CD163: variants seen among roughly 807,000 people sequenced by gnomAD.
CD163 encodes the protein scavenger receptor cysteine-rich type 1 protein M130.
A neutral mutation model predicts 129.2 loss-of-function variants in CD163; 64 were observed. The ratio of observed to expected loss-of-function variants is 0.50; its 90% CI spans 0.41 to 0.61. CD163 has a LOEUF of 0.61. CD163 is among the 20% of genes least tolerant of loss of function. The pLI, the probability that CD163 is intolerant of heterozygous loss-of-function variation, is 0.00. For synonymous variants in CD163, 446 were observed against 478.5 expected (o/e 0.93, Z 0.89); for missense variants, 1,061 against 1,377.9 (o/e 0.77, Z 3.64).
At position 7,482,711 on chromosome 12, in the gene CD163, A is replaced by G. The variant is rs750150204; in HGVS notation, c.3179T>C (p.Val1060Ala). 2 of 1,614,180 alleles carry G rather than the reference A, an allele frequency of 1.2e-6. No homozygotes were observed. Among genetic ancestry groups the G allele is most frequent in the South Asian group, 2.2e-5 (2 of 91,078 alleles). Reference protein sequence around the residue: ...SFIAVGILGVVLLAIFVALFF... With the variant: ...SFIAVGILGVALLAIFVALFF... Reference sequence around the variant, plus strand: ...TAATGCGACGAAAATGGCCAACAGAACAACCCCAAGGATCCCGACTGCAAT... The same window carrying G: ...TAATGCGACGAAAATGGCCAACAGAGCAACCCCAAGGATCCCGACTGCAAT... The change falls in exon 14 of 17, where the codon GTT (valine) becomes GCT (alanine). Residue 1060 changes from valine to alanine, a missense_variant. Coordinates refer to ENST00000432237, the MANE Select transcript of CD163 (RefSeq NM_203416.4).
chr12:7,483,778 ATTT>A, intron 11 of CD163, 103 bp from the exon 12 acceptor site: 14 of 469,298 alleles, frequency 3.0e-5, no homozygotes, highest in Non-Finnish European at 4.4e-5. Flanking sequence ...AAAAAAAACT[ATTT>A]AAAATTTTAC....
At chr12:7,484,944 T>A in intron 11 of CD163, 152 bp downstream of exon 11, 1 of 688,818 alleles carries the variant, frequency 1.5e-6, no homozygotes, top group Non-Finnish European at 2.5e-6. Context: ...CCAGGTAGAA[T>A]AGATATTACC....
At chr12:7,477,396 C>T (rs575188554) in intron 16 of CD163, among the ~76,000 whole-genome samples, 56 of 152,198 alleles carry the variant, frequency 3.7e-4, no homozygotes, top group Non-Finnish European at 6.6e-4. Context: ...CCATGGAATA[C>T]TATAGAGCCA....
Position 7,496,777 on chromosome 12 carries a change from G to C in CD163, c.1099+36C>G, listed in dbSNP as rs371889082. ...ACTTTCCGTTTCTGCTTTTCTTTTT[G>C]TTTAGTGTTTTGGTTTTGGTTTGGT... On this transcript the variant is annotated intron_variant, in intron 5 of 16. Transcript: ENST00000432237. This position sits in a 1 kb window ranked among gnomAD's most constrained non-coding sequence, Gnocchi z 4.8. 4 of 1,584,334 alleles carry C rather than the reference G, an allele frequency of 2.5e-6. No individual in the cohort carries two copies. Among genetic ancestry groups the C allele is most frequent in the Non-Finnish European group, 3.5e-6 (4 of 1,154,492 alleles).
In CD163 at chr12:7,486,602, C is replaced by T. The variant is rs1323007532; in HGVS notation, c.2355G>A (p.Glu785=). Reference sequence around the variant, plus strand: ...GGGATTCTTTTCCATTGCATTTCATCTCATCCAGCCAGATGGGCCCTGTTC... The same window carrying T: ...GGGATTCTTTTCCATTGCATTTCATTTCATCCAGCCAGATGGGCCCTGTTC... ...GEGTGPIWLD[E]MKCNGKESRI... is the part of the protein sequence containing the mutation. Residue 785 remains glutamate, a synonymous_variant, in exon 10 of 17, where the codon GAG becomes GAA. Coordinates refer to ENST00000432237, the MANE Select transcript of CD163 (RefSeq NM_203416.4). 1 of 1,614,078 alleles carries T rather than the reference C, an allele frequency of 6.2e-7. No individual in the cohort carries two copies. Among genetic ancestry groups the T allele is most frequent in the Non-Finnish European group, 8.5e-7 (1 of 1,180,034 alleles).
At chr12:7,477,868 T>C (rs1949109503) in intron 16 of CD163, among the ~76,000 whole-genome samples, 1 of 152,182 alleles carries the variant, frequency 6.6e-6, no homozygotes, top group South Asian at 2.1e-4. Flanking sequence ...ATTTATCACA[T>C]CAGAAAACAT....
chr12:7,497,082 C>T lies in CD163; in HGVS notation c.830G>A (p.Gly277Glu), dbSNP rs1222044619. Residue 277 changes from glycine (G) to glutamate (E), a missense_variant, in exon 5 of 17, where the codon GGA (glycine) becomes GAA (glutamate). Gly to Glu is a moderately conservative substitution (Grantham distance 98). Transcript: ENST00000432237. The part of the protein sequence containing the change: ...RLVDGVTECS[G>E]RLEVRFQGEW... Reference sequence around the variant, plus strand: ...TCCTTGGAATCTCACTTCTAATCTTCCTGAACATTCAGTGACTCCATCTAC... The same window carrying T: ...TCCTTGGAATCTCACTTCTAATCTTTCTGAACATTCAGTGACTCCATCTAC... The T allele has an allele frequency of 6.2e-7, 1 of 1,614,110 alleles. No individual in the cohort carries two copies. Among genetic ancestry groups the T allele is most frequent in the East Asian group, 2.2e-5 (1 of 44,876 alleles).
rs1328623969 is a variant in CD163 at position 7,496,670 on chromosome 12, G to C, written c.1099+143C>G. The C allele has an allele frequency of 4.5e-6, 3 of 669,756 alleles. No individual in the cohort carries two copies. The African/African-American group carries it at 5.4e-5, about 12-fold the overall frequency. The allele number at this position is 669,756 out of a possible 1,614,324, so 41.5% of individuals were successfully genotyped here. ...AATAAAGAATGTGTCAAAGATTACA[G>C]GTATAAAGGAATTCCCAGCAAGGAA... On this transcript the variant is annotated intron_variant, in intron 5 of 16. Coordinates refer to ENST00000432237, the MANE Select transcript of CD163 (RefSeq NM_203416.4). This position sits in a 1 kb window ranked among gnomAD's most constrained non-coding sequence, Gnocchi z 4.8.
chr12:7,503,637 G>A lies in CD163; in HGVS notation c.46+8C>T, dbSNP rs1949523315. The A allele has an allele frequency of 6.3e-7, 1 of 1,582,804 alleles. No individual in the cohort carries two copies. Among genetic ancestry groups the A allele is most frequent in the African/African-American group, 1.3e-5 (1 of 74,182 alleles). ...AGGGGAAATGTAGAATAAATGAGAA[G>A]CTTTTACCAGCAGATCCAGAGTCTT... On this transcript the variant is annotated splice_region_variant and intron_variant, in intron 1 of 16. Coordinates refer to ENST00000432237, the MANE Select transcript of CD163 (RefSeq NM_203416.4).
At chr12:7,501,716 C>T (rs1949492290) in intron 2 of CD163, among the ~76,000 whole-genome samples, 1 of 152,106 alleles carries the variant, frequency 6.6e-6, no homozygotes, top group African/African-American at 2.4e-5. Context: ...TATTTTATGG[C>T]TGGATAGCCT....
At chr12:7,488,424 ATC>A (rs1404727148) in intron 6 of CD163, among the ~76,000 whole-genome samples, 3 of 152,134 alleles carry the variant, frequency 2.0e-5, no homozygotes, top group Non-Finnish European at 4.4e-5. Flanking sequence ...TACTATCGCT[ATC>A]TCTTAGTCTT....
At position 7,502,436 on chromosome 12, in the gene CD163, A is replaced by G. The variant is rs115330665; in HGVS notation, c.133+42T>C. On this transcript the variant is annotated intron_variant, in intron 2 of 16. Transcript: ENST00000432237. ...TGTTTGCCTTTTAACTGTTCTTGTCAGAGTGGGCTAAGGCTGTAAGTAAAT... is the reference window on the plus strand; with the variant it reads ...TGTTTGCCTTTTAACTGTTCTTGTCGGAGTGGGCTAAGGCTGTAAGTAAAT... The G allele has an allele frequency of 7.3e-4, 922 of 1,261,514 alleles. 4 individuals carry two copies. In the African/African-American group the frequency reaches 0.011, roughly 15 times the overall value. The allele number at this position is 1,261,514 out of a possible 1,614,324, so 78.1% of individuals were successfully genotyped here.
At chr12:7,483,267 C>T (rs1305604893) in intron 12 of CD163, 100 bp downstream of exon 12, 5 of 1,089,836 alleles carry the variant, frequency 4.6e-6, no homozygotes, top group Non-Finnish European at 6.6e-6. Context: ...CCCACCAGAT[C>T]CCTGTGCTGA....
rs753344885 is a variant in CD163 at position 7,487,994 on chromosome 12, G to A, written c.1514C>T (p.Ser505Leu). 23 of 1,614,092 alleles carry A rather than the reference G, an allele frequency of 1.4e-5. No individual in the cohort carries two copies. Among genetic ancestry groups the A allele is most frequent in the Middle Eastern group, 1.6e-4 (1 of 6,062 alleles). ...HGDTWGSICD[S>L]DFSLEAASVL... Reference sequence around the variant, plus strand: ...GCTGGCAGCTTCCAGAGAGAAGTCCGAATCACAGATGGAGCCCCACGTGTC... The same window carrying A: ...GCTGGCAGCTTCCAGAGAGAAGTCCAAATCACAGATGGAGCCCCACGTGTC... The change falls in exon 7 of 17, where the codon TCG (serine) becomes TTG (leucine). Residue 505 changes from serine to leucine, a missense_variant. By Grantham distance (145) the Ser-to-Leu change is moderately radical. Coordinates refer to ENST00000432237, the MANE Select transcript of CD163 (RefSeq NM_203416.4). The surrounding 1 kb of genome is among the most constrained non-coding windows in gnomAD (Gnocchi z 5.1).
At chr12:7,480,978 T>C in intron 15 of CD163, 183 bp downstream of exon 15, 1 of 1,323,230 alleles carries the variant, frequency 7.6e-7, no homozygotes, top group Non-Finnish European at 9.7e-7. Flanking sequence ...AAGGCCTCCC[T>C]ATGATTGCAA....
intron 16 of CD163, among the ~76,000 whole-genome samples, chr12:7,476,109 CA>C (rs1949083198): frequency 6.6e-6 from 1 of 152,168 alleles, no homozygotes; most frequent in Non-Finnish European, 1.5e-5. Context: ...AATGGAAAAA[CA>C]TTCCATGCTC....
At chr12:7,479,784 A>G (rs1423484997) in intron 16 of CD163, 76 bp downstream of exon 16, 1 of 1,468,632 alleles carries the variant, frequency 6.8e-7, no homozygotes, top group African/African-American at 1.4e-5. Flanking sequence ...CTTTCTTTCT[A>G]ATGCCAGAAG....
chr12:7,492,277 G>A (rs1022068962), intron 6 of CD163, among the ~76,000 whole-genome samples: 4 of 152,040 alleles, frequency 2.6e-5, no homozygotes, highest in African/African-American at 4.8e-5. Flanking sequence ...TGTGAAGTAC[G>A]GAGCCCACCT....
intron 6 of CD163, among the ~76,000 whole-genome samples, 161 bp downstream of exon 6, chr12:7,494,920 A>C (rs1199090505): frequency 6.6e-6 from 1 of 152,258 alleles, no homozygotes; most frequent in Non-Finnish European, 1.5e-5. Context: ...AAAGTGCAAC[A>C]TGAATTGTAA....
Sources: gnomAD v4.1 joint callset for allele counts (sites outside exome capture counted in the v4.1 genomes callset) on GRCh38, gnomAD v4.1.1 for gene constraint, Gnocchi (gnomAD v3.1) non-coding constraint, MANE v1.5 for transcripts, NCBI Gene and HGNC (gene_info 2026-07-23, HGNC 2026-07-21) for gene names.